Variants in CNTN4 observed in about 807,000 individuals in gnomAD.
The protein encoded by CNTN4 is contactin 4.
CNTN4 carries 77 observed loss-of-function variants against 122.5 expected under a neutral mutation model. That is an observed-to-expected ratio of 0.63 (90% CI 0.52 to 0.76). The LOEUF (loss-of-function observed/expected upper bound fraction) is 0.76, where lower values mean the gene tolerates loss of function less well. CNTN4 is among the 30% of genes least tolerant of loss of function. CNTN4 has a pLI of 0.00. For synonymous variants in CNTN4, 512 were observed against 447.0 expected (o/e 1.15, Z -1.83); for missense variants, 1,256 against 1,259.1 (o/e 1.00, Z 0.04).
At chr3:2,854,619 CT>C (rs1442539227) in intron 7 of CNTN4, among the ~76,000 whole-genome samples, 1 of 152,058 alleles carries the variant, frequency 6.6e-6, no homozygotes, top group Non-Finnish European at 1.5e-5. Context: ...TTAATTTGTG[CT>C]CGTGATTTAA....
chr3:2,244,023 G>A (rs1003982080), intron 2 of CNTN4, among the ~76,000 whole-genome samples: 3 of 151,970 alleles, frequency 2.0e-5, no homozygotes, highest in Non-Finnish European at 2.9e-5. Context: ...TGAGTTGTAC[G>A]GTAGTTTTCC....
intron 3 of CNTN4, among the ~76,000 whole-genome samples, chr3:2,379,234 A>G (rs374529339): frequency 4.7e-5 from 7 of 149,702 alleles, no homozygotes; most frequent in Non-Finnish European, 7.4e-5. Flanking sequence ...CTTTTTTTGA[A>G]TTTCTTTTTC....
intron 3 of CNTN4, among the ~76,000 whole-genome samples, chr3:2,399,292 C>G (rs2046753862): frequency 6.6e-6 from 1 of 151,982 alleles, no homozygotes; most frequent in African/African-American, 2.4e-5. Context: ...CACTTCTGTA[C>G]CCTATCTAGT....
At chr3:2,734,287 C>G (rs2088918095) in intron 4 of CNTN4, among the ~76,000 whole-genome samples, 1 of 152,052 alleles carries the variant, frequency 6.6e-6, no homozygotes, top group African/African-American at 2.4e-5. Flanking sequence ...TCTTGAACCC[C>G]TGGGCTCAAG....
intron 2 of CNTN4, among the ~76,000 whole-genome samples, chr3:2,329,151 TAAACTC>T (rs2043602612): frequency 1.3e-5 from 2 of 152,208 alleles, no homozygotes; most frequent in African/African-American, 2.4e-5. Flanking sequence ...CACATCAACT[TAAACTC>T]AAATGTTTAC....
At chr3:2,269,257 C>T (rs2041173548) in intron 2 of CNTN4, among the ~76,000 whole-genome samples, 1 of 152,124 alleles carries the variant, frequency 6.6e-6, no homozygotes, top group African/African-American at 2.4e-5. Context: ...AAATTCACTA[C>T]ATTAAATTTA....
At chr3:2,696,565 G>A (rs1354468097) in intron 4 of CNTN4, among the ~76,000 whole-genome samples, 1 of 152,128 alleles carries the variant, frequency 6.6e-6, no homozygotes, top group Non-Finnish European at 1.5e-5. Flanking sequence ...AAACTTGCTG[G>A]CTCCTTGATC....
At chr3:2,787,792 TG>T (rs1276388094) in intron 6 of CNTN4, among the ~76,000 whole-genome samples, 16 of 56,188 alleles carry the variant, frequency 2.8e-4, no homozygotes, top group African/African-American at 4.6e-4. Flanking sequence ...TGTGGGTTTT[TG>T]TTTTTTTTTT....
At chr3:3,039,882 A>G (rs1699985998) in intron 19 of CNTN4, 155 bp from the exon 20 acceptor site, 2 of 687,324 alleles carry the variant, frequency 2.9e-6, no homozygotes, top group Non-Finnish European at 5.4e-6. Context: ...AGATAGACTG[A>G]CTGCAAGCCC....
intron 4 of CNTN4, among the ~76,000 whole-genome samples, chr3:2,681,273 A>G (rs1312554755): frequency 5.9e-5 from 9 of 152,228 alleles, no homozygotes; most frequent in Admixed American, 5.9e-4. Flanking sequence ...CACATAAGCT[A>G]TGGCCTAGAA....
intron 3 of CNTN4, among the ~76,000 whole-genome samples, chr3:2,386,899 C>A (rs2046275107): frequency 6.6e-6 from 1 of 152,158 alleles, no homozygotes; most frequent in Admixed American, 6.5e-5. Flanking sequence ...CAACTAAGCG[C>A]ATTCAATTTA....
At chr3:2,768,971 G>A (rs2090974303) in intron 6 of CNTN4, among the ~76,000 whole-genome samples, 1 of 152,088 alleles carries the variant, frequency 6.6e-6, no homozygotes, top group South Asian at 2.1e-4. Flanking sequence ...TTCAAGTCTT[G>A]AAGTCTTTTC....
intron 6 of CNTN4, among the ~76,000 whole-genome samples, chr3:2,762,373 A>G (rs570878809): frequency 6.6e-6 from 1 of 152,146 alleles, no homozygotes; most frequent in East Asian, 1.9e-4. Flanking sequence ...CTACCCTATG[A>G]CCTCCGATAG....
intron 13 of CNTN4, among the ~76,000 whole-genome samples, chr3:2,926,537 T>A (rs1340965528): frequency 1.3e-5 from 2 of 152,208 alleles, no homozygotes; most frequent in Non-Finnish European, 2.9e-5. Flanking sequence ...TGCAAAATGG[T>A]AATTATGCGT....
At chr3:2,254,495 A>C (rs1477972064) in intron 2 of CNTN4, among the ~76,000 whole-genome samples, 2 of 152,170 alleles carry the variant, frequency 1.3e-5, no homozygotes, top group Non-Finnish European at 2.9e-5. Flanking sequence ...GAACTAATTT[A>C]CACTCCCACT....
chr3:2,253,986 G>A (rs1402372325), intron 2 of CNTN4, among the ~76,000 whole-genome samples: 1 of 152,036 alleles, frequency 6.6e-6, no homozygotes, highest in African/African-American at 2.4e-5. Flanking sequence ...GCGTGCTGCA[G>A]CCATCAACCC....
chr3:2,348,372 G>A (rs1394793676), intron 3 of CNTN4, among the ~76,000 whole-genome samples: 1 of 152,078 alleles, frequency 6.6e-6, no homozygotes, highest in East Asian at 1.9e-4. Flanking sequence ...TAGGGAATCT[G>A]TGTTTTATAT....
intron 6 of CNTN4, among the ~76,000 whole-genome samples, chr3:2,750,684 T>A (rs2090046387): frequency 1.3e-5 from 2 of 152,188 alleles, no homozygotes; most frequent in South Asian, 4.1e-4. Context: ...TCACTTAGCC[T>A]ACTACCATAC....
At chr3:2,260,561 C>T (rs2040794252) in intron 2 of CNTN4, among the ~76,000 whole-genome samples, 1 of 152,018 alleles carries the variant, frequency 6.6e-6, no homozygotes, top group Admixed American at 6.6e-5. Context: ...CTAGAGTTGG[C>T]TGTCTCCTAT....
Sources: gnomAD v4.1 joint callset for allele counts (sites outside exome capture counted in the v4.1 genomes callset) on GRCh38, gnomAD v4.1.1 for gene constraint, MANE v1.5 for transcripts, NCBI Gene and HGNC (gene_info 2026-07-23, HGNC 2026-07-21) for gene names.